The following CDK5RAP2 variants were observed in gnomAD, a reference collection of about 807,000 sequenced individuals.
CDK5RAP2 encodes the protein CDK5 regulatory subunit associated protein 2, also known as CDK5 regulatory subunit-associated protein 2.
Under a neutral mutation model 232.9 loss-of-function variants are expected in CDK5RAP2, and 147 were observed. The ratio of observed to expected loss-of-function variants is 0.63; its 90% CI spans 0.55 to 0.72. CDK5RAP2 has a LOEUF of 0.72. CDK5RAP2 is among the 30% of genes least tolerant of loss of function. The pLI, the probability that CDK5RAP2 is intolerant of heterozygous loss-of-function variation, is 0.00. For synonymous variants in CDK5RAP2, 833 were observed against 833.7 expected, an observed-to-expected ratio of 1.00 and a Z score of 0.01; for missense variants, 2,195 against 2,231.5, an observed-to-expected ratio of 0.98 and a Z score of 0.33.
At chr9:120,467,047 A>G (rs7874078) in intron 18 of CDK5RAP2, among the ~76,000 whole-genome samples, 6,297 of 152,290 alleles carry the variant, frequency 0.041, 460 homozygotes, top group African/African-American at 0.14. Context: ...GTCAGGCCAC[A>G]GTAGGGAATG....
chr9:120,559,203 T>C (rs1293932951), intron 3 of CDK5RAP2, among the ~76,000 whole-genome samples: 3 of 152,096 alleles, frequency 2.0e-5, no homozygotes, highest in Admixed American at 6.6e-5. Flanking sequence ...ATTTAAAACA[T>C]TGAGGCCGGG....
chr9:120,452,559 A>G (rs765318612), intron 21 of CDK5RAP2, among the ~76,000 whole-genome samples: 13 of 151,902 alleles, frequency 8.6e-5, no homozygotes, highest in Non-Finnish European at 1.5e-4. Flanking sequence ...CTCCCAGAAC[A>G]CATCTCCCTT....
At chr9:120,489,181 T>C (rs2038762692) in intron 13 of CDK5RAP2, among the ~76,000 whole-genome samples, 1 of 152,200 alleles carries the variant, frequency 6.6e-6, no homozygotes, top group South Asian at 2.1e-4. Context: ...CATCTTCTGG[T>C]TTCCAATGTT....
intron 23 of CDK5RAP2, among the ~76,000 whole-genome samples, chr9:120,441,303 T>C (rs2035882605): frequency 6.6e-6 from 1 of 152,220 alleles, no homozygotes; most frequent in South Asian, 2.1e-4. Context: ...CTCTGTCACA[T>C]AGGCAAGTTA....
At position 120,487,221 on chromosome 9, in the gene CDK5RAP2, G is replaced by A. The variant is rs1034396373; in HGVS notation, c.1626+73C>T. ...GCATTTGAGGATCTCTAGATCAAAG[G>A]AGTTATCAAATATGTTTCAAAAAAG... On this transcript the variant is annotated intron_variant, in intron 14 of 37. Coordinates refer to ENST00000349780, the MANE Select transcript of CDK5RAP2 (RefSeq NM_018249.6). 6 of 1,502,198 alleles carry A rather than the reference G, an allele frequency of 4.0e-6. No homozygotes were observed. In the South Asian group the frequency reaches 4.5e-5, roughly 11 times the overall value. The allele number at this position is 1,502,198 out of a possible 1,614,324, so 93.1% of individuals were successfully genotyped here.
chr9:120,397,829 C>CA (rs1204365624), intron 35 of CDK5RAP2, among the ~76,000 whole-genome samples: 1 of 152,182 alleles, frequency 6.6e-6, no homozygotes, highest in African/African-American at 2.4e-5. Context: ...GGTGCACTCT[C>CA]AGAGTTCCTG....
chr9:120,487,327 T>C lies in CDK5RAP2; in HGVS notation c.1593A>G (p.Gln531=), dbSNP rs140722791. ...EGLITEKCSS[Q]QPPGSKTIFS... is the part of the protein sequence containing the mutation. The stretch of plus-strand genomic sequence containing the variant: ...AGATGGTTTTGCTGCCTGGTGGCTG[T>C]TGAGAAGAGCACTTTTCTGTTATTA... The change falls in exon 14 of 38, where the codon CAA becomes CAG. Residue 531 remains glutamine, a synonymous_variant. Transcript: ENST00000349780. 296 of 1,614,154 alleles carry C rather than the reference T, an allele frequency of 1.8e-4. No individual in the cohort carries two copies. The African/African-American group carries it at 3.8e-3, about 21-fold the overall frequency.
At chr9:120,451,434 G>A (rs927514102) in intron 21 of CDK5RAP2, among the ~76,000 whole-genome samples, 7 of 152,152 alleles carry the variant, frequency 4.6e-5, no homozygotes, top group Non-Finnish European at 7.4e-5. Context: ...CTTGGTCTCC[G>A]TGTTTCTATA....
rs75904110 is a variant in CDK5RAP2 at position 120,403,167 on chromosome 9, G to T, written c.5042-96C>A. 5,583 of 1,335,576 alleles carry T rather than the reference G, an allele frequency of 4.2e-3. 133 individuals are homozygous for T. In the African/African-American group the frequency reaches 0.058, roughly 14 times the overall value. 82.7% of individuals were successfully genotyped at this position (1,335,576 alleles called of 1,614,324 possible). A position where few individuals can be genotyped will look rare whatever the true frequency, so the allele number is the denominator to read the frequency against. ...GAAGCTAGCTAGGAGGGCTAGAAGAGGCCCTCGTGCCCAAATGCCACCCAA... is the reference window on the plus strand; with the variant it reads ...GAAGCTAGCTAGGAGGGCTAGAAGATGCCCTCGTGCCCAAATGCCACCCAA... On this transcript the variant is annotated intron_variant, in intron 33 of 37. Coordinates refer to ENST00000349780, the MANE Select transcript of CDK5RAP2 (RefSeq NM_018249.6). This position sits in a 1 kb window ranked among gnomAD's most constrained non-coding sequence, Gnocchi z 4.2.
chr9:120,410,126 T>C (rs1439085922), intron 29 of CDK5RAP2, among the ~76,000 whole-genome samples: 1 of 152,168 alleles, frequency 6.6e-6, no homozygotes, highest in Non-Finnish European at 1.5e-5. Context: ...AGGCAGGCAC[T>C]ATTATTCTCC....
At chr9:120,471,198 CA>C (rs986600090) in intron 16 of CDK5RAP2, among the ~76,000 whole-genome samples, 8 of 152,164 alleles carry the variant, frequency 5.3e-5, no homozygotes, top group African/African-American at 1.4e-4. Flanking sequence ...GATACCAACC[CA>C]AACTTTAAAG....
intron 5 of CDK5RAP2, among the ~76,000 whole-genome samples, chr9:120,540,188 A>G (rs1212976596): frequency 6.6e-6 from 1 of 152,242 alleles, no homozygotes; most frequent in Non-Finnish European, 1.5e-5. Flanking sequence ...CCGATGCCAG[A>G]AGATAAACAG....
rs2033190797 is a variant in CDK5RAP2 at position 120,403,234 on chromosome 9, G to A, written c.5042-163C>T. On this transcript the variant is annotated intron_variant, in intron 33 of 37. Transcript: ENST00000349780. The surrounding 1 kb of genome is among the most constrained non-coding windows in gnomAD (Gnocchi z 4.2). ...AAAAGAGGCACGCTCCTGGACCTCT[G>A]TATATTACCCCACACTGGGCTTATG... The A allele has an allele frequency of 1.5e-6, 1 of 647,832 alleles. No individual in the cohort carries two copies. Among genetic ancestry groups the A allele is most frequent in the Non-Finnish European group, 2.7e-6 (1 of 371,304 alleles). 40.1% of individuals were successfully genotyped at this position (647,832 alleles called of 1,614,324 possible). A position where few individuals can be genotyped will look rare whatever the true frequency, so the allele number is the denominator to read the frequency against.
Position 120,422,748 on chromosome 9 carries a change from G to A in CDK5RAP2, c.3956-7C>T. 1 of 1,609,842 alleles carries A rather than the reference G, an allele frequency of 6.2e-7. No individual in the cohort carries two copies. Among genetic ancestry groups the A allele is most frequent in the Non-Finnish European group, 8.5e-7 (1 of 1,176,194 alleles). ...TCCACTCCAACTGATTTTCCTGGAA[G>A]CAGAAATAACATCAAGAAAGGAGGA... On this transcript the variant is annotated splice_polypyrimidine_tract_variant and splice_region_variant and intron_variant, in intron 25 of 37. Transcript: ENST00000349780.
Position 120,477,204 on chromosome 9 carries a change from AC to A in CDK5RAP2, c.1727+145del, listed in dbSNP as rs1233338090. The A allele has an allele frequency of 1.2e-5, 9 of 724,590 alleles. No homozygotes were observed. In the East Asian group the frequency reaches 2.3e-4, roughly 19 times the overall value. 44.9% of individuals were successfully genotyped at this position (724,590 alleles called of 1,614,324 possible). ...GTGACTATCAAATAGGGCAGTCGCCACCCAAGCTTTATAAGCTCCATAAGCA... is the reference window on the plus strand; with the variant it reads ...GTGACTATCAAATAGGGCAGTCGCCACCAAGCTTTATAAGCTCCATAAGCA... On this transcript the variant is annotated intron_variant, in intron 15 of 37. Coordinates refer to ENST00000349780, the MANE Select transcript of CDK5RAP2 (RefSeq NM_018249.6).
chr9:120,399,747 C>T (rs73660243), intron 35 of CDK5RAP2, among the ~76,000 whole-genome samples: 7,192 of 152,262 alleles, frequency 0.047, 257 homozygotes, highest in African/African-American at 0.097. Context: ...CCACCTGATA[C>T]TGCCACCAGC....
intron 4 of CDK5RAP2, among the ~76,000 whole-genome samples, chr9:120,549,091 G>C (rs2041957438): frequency 6.6e-6 from 1 of 151,556 alleles, no homozygotes; most frequent in South Asian, 2.1e-4. Flanking sequence ...GGGAGGCAGA[G>C]GTTGCAGTAA....
chr9:120,529,174 T>C (rs1011096441), intron 8 of CDK5RAP2, among the ~76,000 whole-genome samples: 3 of 152,240 alleles, frequency 2.0e-5, no homozygotes, highest in Non-Finnish European at 4.4e-5. Context: ...TCCACTGCTG[T>C]GGTAGGAGCA....
chr9:120,573,457 G>A lies in CDK5RAP2; in HGVS notation c.60-1416C>T, dbSNP rs759454381. 2.6e-5 allele frequency among the ~76,000 whole-genome samples: 4 copies of A among 151,652 alleles called. No individual in the cohort carries two copies. In the South Asian group the frequency reaches 6.2e-4, roughly 24 times the overall value. On this transcript the variant is annotated intron_variant, in intron 1 of 37. Transcript: ENST00000349780. Reference sequence around the variant, plus strand: ...CTAGCTACTTGAGAGGCTGAGGCAGGAGAATCACTTGAACCCAGGAGGCAG... The same window carrying A: ...CTAGCTACTTGAGAGGCTGAGGCAGAAGAATCACTTGAACCCAGGAGGCAG...
Sources: allele counts gnomAD v4.1 joint callset (sites outside exome capture counted in the v4.1 genomes callset), GRCh38; gene constraint gnomAD v4.1.1; non-coding constraint Gnocchi (gnomAD v3.1); transcripts MANE v1.5; gene names NCBI Gene and HGNC (gene_info 2026-07-23, HGNC 2026-07-21).